The following SDK1 variants were observed in gnomAD, a reference collection of about 807,000 sequenced individuals.
SDK1 encodes sidekick cell adhesion molecule 1.
In SDK1, 157 loss-of-function variants were observed where a neutral mutation model predicts 245.5. The observed-to-expected ratio is 0.64, with a 90% CI of 0.56 to 0.73. The LOEUF (loss-of-function observed/expected upper bound fraction) is 0.73. Among genes scored for constraint, SDK1 ranks in the 30% least tolerant of loss-of-function variants. The probability of loss-of-function intolerance (pLI) is 0.00; values close to 1 mark genes in which losing one functional copy is unlikely to be tolerated. For synonymous variants in SDK1, 1,647 were observed against 1,278.5 expected, an observed-to-expected ratio of 1.29 and a Z score of -6.15; for missense variants, 3,583 against 3,002.3, an observed-to-expected ratio of 1.19 and a Z score of -4.52.
At chr7:3,988,389 C>T (rs1171621002) in intron 14 of SDK1, among the ~76,000 whole-genome samples, 4 of 152,018 alleles carry the variant, frequency 2.6e-5, no homozygotes, top group Admixed American at 6.6e-5. Flanking sequence ...GCCTTCCAGC[C>T]GGCCCTGTTT....
chr7:4,051,046 G>A (rs1476882796), intron 18 of SDK1, among the ~76,000 whole-genome samples: 1 of 138,442 alleles, frequency 7.2e-6, no homozygotes, highest in East Asian at 2.0e-4. Context: ...GTTATATATA[G>A]TATACTATAC....
At chr7:4,250,624 C>T (rs905866740) in intron 44 of SDK1, among the ~76,000 whole-genome samples, 15 of 152,154 alleles carry the variant, frequency 9.9e-5, no homozygotes, top group African/African-American at 1.9e-4. Flanking sequence ...GGATTACAGG[C>T]ATGAGCCACT....
At chr7:3,589,195 C>T (rs528950674) in intron 1 of SDK1, among the ~76,000 whole-genome samples, 40 of 152,122 alleles carry the variant, frequency 2.6e-4, no homozygotes, top group Non-Finnish European at 4.9e-4. Context: ...GAGCTTTTGA[C>T]GTTGGTACTG....
intron 5 of SDK1, among the ~76,000 whole-genome samples, chr7:3,908,527 T>C (rs1248519395): frequency 6.6e-6 from 1 of 152,188 alleles, no homozygotes; most frequent in Admixed American, 6.5e-5. Context: ...CATAGGCAGC[T>C]TCCCCTAAAA....
chr7:3,528,492 G>A (rs1258095716), intron 1 of SDK1, among the ~76,000 whole-genome samples: 1 of 152,004 alleles, frequency 6.6e-6, no homozygotes, highest in Non-Finnish European at 1.5e-5. Flanking sequence ...GAAGGCCATG[G>A]AGGATTTTGA....
At chr7:4,226,635 C>T (rs1785464621) in intron 40 of SDK1, among the ~76,000 whole-genome samples, 1 of 152,208 alleles carries the variant, frequency 6.6e-6, no homozygotes, top group African/African-American at 2.4e-5. Context: ...ACACCGCCAC[C>T]AGCTTCCACC....
chr7:3,587,146 C>T (rs1780716457), intron 1 of SDK1, among the ~76,000 whole-genome samples: 2 of 152,292 alleles, frequency 1.3e-5, no homozygotes, highest in Middle Eastern at 6.8e-3. Flanking sequence ...TAACAGAACT[C>T]TGCTGTGGAC....
chr7:3,330,525 T>G (rs1780040836), intron 1 of SDK1, among the ~76,000 whole-genome samples: 1 of 152,056 alleles, frequency 6.6e-6, no homozygotes, highest in Non-Finnish European at 1.5e-5. Flanking sequence ...AGAAAGAGAT[T>G]TGCACTGACA....
intron 1 of SDK1, among the ~76,000 whole-genome samples, chr7:3,317,394 T>G (rs184178097): frequency 3.3e-5 from 5 of 152,302 alleles, no homozygotes; most frequent in African/African-American, 4.8e-5. Flanking sequence ...ATTTTTGTTT[T>G]CATCTATCTG....
intron 1 of SDK1, among the ~76,000 whole-genome samples, chr7:3,316,843 C>T (rs578149927): frequency 1.3e-5 from 2 of 152,150 alleles, no homozygotes; most frequent in East Asian, 3.9e-4. Context: ...TTAAACTAGA[C>T]AGAATTGGTG....
At chr7:3,542,772 G>C (rs1779094107) in intron 1 of SDK1, among the ~76,000 whole-genome samples, 1 of 152,150 alleles carries the variant, frequency 6.6e-6, no homozygotes, top group Non-Finnish European at 1.5e-5. Context: ...TGCTTTTAAA[G>C]AAGGTACAGA....
At chr7:3,918,306 C>G (rs1387158373) in intron 5 of SDK1, among the ~76,000 whole-genome samples, 1 of 152,200 alleles carries the variant, frequency 6.6e-6, no homozygotes, top group Non-Finnish European at 1.5e-5. Flanking sequence ...CAAGCAAAGC[C>G]TCATGTGTAT....
intron 30 of SDK1, among the ~76,000 whole-genome samples, chr7:4,155,236 A>G (rs1780652502): frequency 6.6e-6 from 1 of 151,214 alleles, no homozygotes; most frequent in Admixed American, 6.6e-5. Flanking sequence ...TAACTCCCCC[A>G]GATCCGCATT....
intron 5 of SDK1, among the ~76,000 whole-genome samples, chr7:3,927,349 T>C (rs1194147681): frequency 6.6e-6 from 1 of 152,212 alleles, no homozygotes; most frequent in East Asian, 1.9e-4. Context: ...TTAGGTATTT[T>C]GGAGCATTTC....
chr7:3,727,878 A>T (rs143276688), intron 4 of SDK1, among the ~76,000 whole-genome samples: 1 of 152,240 alleles, frequency 6.6e-6, no homozygotes, highest in African/African-American at 2.4e-5. Context: ...TTTTTGCTCA[A>T]TGCCTCCTTT....
intron 25 of SDK1, among the ~76,000 whole-genome samples, chr7:4,127,012 A>G (rs1361183127): frequency 1.3e-5 from 2 of 152,150 alleles, no homozygotes; most frequent in Admixed American, 6.5e-5. Context: ...TCCTGTCCCT[A>G]TCACAGAATA....
At chr7:4,227,593 A>G (rs1429823551) in intron 40 of SDK1, among the ~76,000 whole-genome samples, 3 of 152,222 alleles carry the variant, frequency 2.0e-5, no homozygotes, top group Non-Finnish European at 2.9e-5. Flanking sequence ...CTGACAGTCA[A>G]GCGGTTGGTT....
chr7:3,991,095 G>T (rs761662618), intron 14 of SDK1, among the ~76,000 whole-genome samples: 1 of 152,210 alleles, frequency 6.6e-6, no homozygotes, highest in East Asian at 1.9e-4. Context: ...GCACGTTCCC[G>T]GCTAGGTACG....
At chr7:3,894,810 C>G (rs1000625954) in intron 5 of SDK1, among the ~76,000 whole-genome samples, 1 of 149,782 alleles carries the variant, frequency 6.7e-6, no homozygotes, top group African/African-American at 2.5e-5. Flanking sequence ...GCGATTTGTA[C>G]TTCAGCCTCC....
Sources: gnomAD v4.1 joint callset for allele counts (sites outside exome capture counted in the v4.1 genomes callset) on GRCh38, gnomAD v4.1.1 for gene constraint, MANE v1.5 for transcripts, NCBI Gene and HGNC (gene_info 2026-07-23, HGNC 2026-07-21) for gene names.